Variants in PRLR observed in about 807,000 individuals in gnomAD.
PRLR encodes the protein prolactin receptor.
PRLR carries 13 observed loss-of-function variants against 40.2 expected under a neutral mutation model. That is an observed-to-expected ratio of 0.32 (90% CI 0.21 to 0.51). The LOEUF is 0.51. PRLR is among the 20% of genes least tolerant of loss of function. The probability of loss-of-function intolerance (pLI) is 0.97; values close to 1 mark genes in which losing one functional copy is unlikely to be tolerated. For missense variants in PRLR, 656 were observed against 747.3 expected (o/e 0.88, Z 1.42); for synonymous variants, 269 against 278.7 (o/e 0.97, Z 0.35).
At chr5:35,188,897 TG>T (rs1031762360) in intron 1 of PRLR, among the ~76,000 whole-genome samples, 1 of 152,198 alleles carries the variant, frequency 6.6e-6, no homozygotes, top group Non-Finnish European at 1.5e-5. Context: ...TATTAGGTAA[TG>T]TTTGGGTTGA....
At chr5:35,081,362 T>C (rs1411659821) in intron 5 of PRLR, 4 of 215,142 alleles carry the variant, frequency 1.9e-5, no homozygotes, top group South Asian at 8.0e-5. Flanking sequence ...GGCAAGGTCA[T>C]CTCTGAGCTG....
At chr5:35,136,821 C>A (rs1172383779) in intron 1 of PRLR, among the ~76,000 whole-genome samples, 1 of 152,076 alleles carries the variant, frequency 6.6e-6, no homozygotes, top group African/African-American at 2.4e-5. Flanking sequence ...TAAGCTCCAC[C>A]CCCAGTTTCT....
intron 1 of PRLR, among the ~76,000 whole-genome samples, chr5:35,159,764 A>G (rs181504487): frequency 5.9e-5 from 9 of 152,288 alleles, no homozygotes; most frequent in Non-Finnish European, 4.4e-5. Flanking sequence ...AGCAAAATTT[A>G]TACTTTCTTT....
Position 35,056,498 on chromosome 5 carries a change from G to T in PRLR, c.*8591C>A, listed in dbSNP as rs542701420. 1 of 152,270 alleles carries T rather than the reference G, an allele frequency of 6.6e-6. No homozygotes were observed. The highest frequency in any genetic ancestry group is 2.4e-5 in the African/African-American group (1 of 41,560). The allele number at this position is 152,270 out of a possible 1,614,324, so 9.4% of individuals were successfully genotyped here. On this transcript the variant is annotated 3_prime_UTR_variant, in exon 10 of 10. Transcript: ENST00000618457. ...GGAAGTTGCATCTTCCAGCCCCAAA[G>T]AAACTGGGGAGATTTAGAATGTATA...
Position 35,077,717 on chromosome 5 carries a change from A to G in PRLR, c.374-4973T>C, listed in dbSNP as rs142294285. Among the ~76,000 whole-genome samples, 1,085 of 152,334 alleles carry G rather than the reference A, an allele frequency of 7.1e-3. 13 individuals are homozygous for G. The highest frequency in any genetic ancestry group is 0.025 in the African/African-American group (1,039 of 41,558). On this transcript the variant is annotated intron_variant, in intron 5 of 9. Transcript: ENST00000618457. ...CACCAAGCGGACCTAATAGACATCTACAGAACTCTCCACCCTAAATCAACA... is the reference window on the plus strand; with the variant it reads ...CACCAAGCGGACCTAATAGACATCTGCAGAACTCTCCACCCTAAATCAACA...
intron 1 of PRLR, among the ~76,000 whole-genome samples, chr5:35,188,178 C>T (rs572183776): frequency 2.8e-4 from 42 of 152,316 alleles, no homozygotes; most frequent in African/African-American, 7.2e-4. Flanking sequence ...TCGGGCTTTT[C>T]GAGTTCAGCT....
At position 35,093,778 on chromosome 5, in the gene PRLR, G is replaced by C. The variant is rs902395772; in HGVS notation, c.-43-4115C>G. 3.9e-5 allele frequency among the ~76,000 whole-genome samples: 6 copies of C among 152,150 alleles called. No individual in the cohort carries two copies. The East Asian group carries it at 1.2e-3, about 29-fold the overall frequency. On this transcript the variant is annotated intron_variant, in intron 2 of 9. Transcript: ENST00000618457. ...AATGATGGACCATATATATGATGGT[G>C]GTCCCATAAGATTATAATGCTGTAT...
At chr5:35,106,145 G>A (rs945072659) in intron 2 of PRLR, among the ~76,000 whole-genome samples, 8 of 152,178 alleles carry the variant, frequency 5.3e-5, no homozygotes, top group African/African-American at 1.2e-4. Flanking sequence ...AAGTGAAGGA[G>A]AAATAAAATC....
chr5:35,070,158 T>G lies in PRLR; in HGVS notation c.651A>C (p.Ala217=), dbSNP rs775727179. 6.2e-7 allele frequency: 1 copy of G among 1,614,042 alleles called. No homozygotes were observed. Residue 217 remains alanine (A), a synonymous_variant, in exon 7 of 10, where the codon GCA becomes GCC. Transcript: ENST00000618457. ...RCKPDHGYWS[A]WSPATFIQIP... ...TCTGAATGAAGGTCGCTGGACTCCA[T>G]GCACTCCAGTATCCATGGTCTGGTT...
At chr5:35,130,177 C>G (rs1773618411) in intron 1 of PRLR, 1 of 152,184 alleles carries the variant, frequency 6.6e-6, no homozygotes, top group Non-Finnish European at 1.5e-5. Context: ...ATATACAAGG[C>G]TTTTATGACC....
intron 2 of PRLR, among the ~76,000 whole-genome samples, chr5:35,105,106 C>A (rs1772150092): frequency 6.6e-6 from 1 of 152,246 alleles, no homozygotes; most frequent in Non-Finnish European, 1.5e-5. Context: ...CTCAGGCAAA[C>A]AGGTTCTGGA....
At chr5:35,101,163 C>A (rs1440310297) in intron 2 of PRLR, among the ~76,000 whole-genome samples, 3 of 152,200 alleles carry the variant, frequency 2.0e-5, no homozygotes, top group Admixed American at 2.0e-4. Flanking sequence ...TTGGCTTCAT[C>A]TACATATTCA....
At chr5:35,157,095 G>A (rs951437258) in intron 1 of PRLR, among the ~76,000 whole-genome samples, 3 of 152,062 alleles carry the variant, frequency 2.0e-5, no homozygotes, top group African/African-American at 7.2e-5. Context: ...GAAAAAGAGT[G>A]TAGTCACAAG....
intron 1 of PRLR, among the ~76,000 whole-genome samples, chr5:35,222,100 C>G (rs942648425): frequency 6.6e-6 from 1 of 152,104 alleles, no homozygotes; most frequent in Non-Finnish European, 1.5e-5. Flanking sequence ...GTCAAGAGAT[C>G]GAGACCATCC....
chr5:35,212,092 A>T (rs555336764), intron 1 of PRLR, among the ~76,000 whole-genome samples: 2 of 152,222 alleles, frequency 1.3e-5, no homozygotes, highest in Non-Finnish European at 2.9e-5. Flanking sequence ...CACATTAGGA[A>T]CATCCTTAAT....
intron 1 of PRLR, among the ~76,000 whole-genome samples, chr5:35,205,524 G>A (rs145739316): frequency 3.0e-4 from 42 of 138,148 alleles, no homozygotes; most frequent in African/African-American, 1.1e-3. Context: ...AACAAGCACA[G>A]CATCCCTTCT....
chr5:35,070,317 AAG>A (rs750008018), intron 6 of PRLR, 52 bp from the exon 7 acceptor site: 1 of 1,594,392 alleles, frequency 6.3e-7, no homozygotes, highest in Admixed American at 1.7e-5. Flanking sequence ...GTTGTGAAGA[AAG>A]AGAGTTTTCC....
At position 35,071,910 on chromosome 5, in the gene PRLR, T is replaced by C. The variant is rs938665749; in HGVS notation, c.543+665A>G. Among the ~76,000 whole-genome samples the C allele has an allele frequency of 6.6e-5, 10 of 151,732 alleles. No individual in the cohort carries two copies. In the South Asian group the frequency reaches 1.9e-3, roughly 28 times the overall value. ...CCCCTGAGCCCAGCCTTTTTTTTTT[T>C]TCCAAATGGAGTTTCATTCTTGTTG... is the stretch of plus-strand genomic sequence containing the variant. On this transcript the variant is annotated intron_variant, in intron 6 of 9. Coordinates refer to ENST00000618457, the MANE Select transcript of PRLR (RefSeq NM_000949.7).
At chr5:35,227,480 C>A (rs1017280929) in intron 1 of PRLR, among the ~76,000 whole-genome samples, 3 of 152,190 alleles carry the variant, frequency 2.0e-5, no homozygotes, top group African/African-American at 7.2e-5. Flanking sequence ...TCATACTCTG[C>A]AATCTTGCTA....
Sources: allele counts gnomAD v4.1 joint callset (sites outside exome capture counted in the v4.1 genomes callset), GRCh38; gene constraint gnomAD v4.1.1; transcripts MANE v1.5; gene names NCBI Gene and HGNC (gene_info 2026-07-23, HGNC 2026-07-21).